Variants in PEAK1 observed in about 807,000 individuals in gnomAD.
PEAK1 encodes the protein pseudopodium enriched atypical kinase 1.
A neutral mutation model predicts 124.7 loss-of-function variants in PEAK1; 54 were observed. That is an observed-to-expected ratio of 0.43 (90% CI 0.35 to 0.54). The LOEUF is 0.54. Ranked by LOEUF, PEAK1 falls within the 20% of genes least tolerant of loss-of-function variation. The pLI is 0.01. For synonymous variants in PEAK1, 719 were observed against 760.0 expected, an observed-to-expected ratio of 0.95 and a Z score of 0.89; for missense variants, 2,046 against 2,134.5, an observed-to-expected ratio of 0.96 and a Z score of 0.82.
chr15:77,346,048 C>T, intron 2 of PEAK1: 1 of 985,366 alleles, frequency 1.0e-6, no homozygotes, highest in Non-Finnish European at 1.2e-6. Context: ...TTCAAAAATG[C>T]CTGTCCCTTT....
chr15:77,110,335 T>G lies in PEAK1; in HGVS notation c.*3821A>C, dbSNP rs556969169. 1.3e-5 allele frequency: 2 copies of G among 152,228 alleles called. No homozygotes were observed. The highest frequency in any genetic ancestry group is 6.5e-5 in the Admixed American group (1 of 15,272). 9.4% of individuals were successfully genotyped at this position (152,228 alleles called of 1,614,324 possible). A position where few individuals can be genotyped will look rare whatever the true frequency, so the allele number is the denominator to read the frequency against. ...CTCAAACTCCTGACCTCAGGTGATC[T>G]GCCCACCTCGCCCTCCTAAAGTGTT... On this transcript the variant is annotated 3_prime_UTR_variant, in exon 10 of 10. Transcript: ENST00000682557.
chr15:77,163,508 T>G lies in PEAK1; in HGVS notation c.3138-4812A>C, dbSNP rs548930393. ...GGTAGAGATTAATCATTACACCATCTAATGAAATAATCCTTTTTTTGTTTC... is the reference window on the plus strand; with the variant it reads ...GGTAGAGATTAATCATTACACCATCGAATGAAATAATCCTTTTTTTGTTTC... On this transcript the variant is annotated intron_variant, in intron 7 of 9. Transcript: ENST00000682557. Among the ~76,000 whole-genome samples, 10 of 152,346 alleles carry G rather than the reference T, an allele frequency of 6.6e-5. No individual in the cohort carries two copies. In the South Asian group the frequency reaches 1.4e-3, roughly 22 times the overall value.
intron 7 of PEAK1, among the ~76,000 whole-genome samples, chr15:77,159,221 G>A (rs2055418279): frequency 1.3e-5 from 2 of 152,144 alleles, no homozygotes; most frequent in Admixed American, 6.5e-5. Flanking sequence ...CATTGTTTTA[G>A]TAGGTACACT....
At chr15:77,368,458 T>C (rs1362685989) in intron 1 of PEAK1, among the ~76,000 whole-genome samples, 3 of 150,730 alleles carry the variant, frequency 2.0e-5, no homozygotes, top group Non-Finnish European at 3.0e-5. Flanking sequence ...GCGGAGGTTA[T>C]AGTGAGCTGA....
intron 7 of PEAK1, chr15:77,178,070 A>G (rs1035114389): frequency 5.3e-5 from 8 of 152,192 alleles, no homozygotes; most frequent in Non-Finnish European, 1.0e-4. Context: ...AATATTTATT[A>G]TATACCTTGC....
Position 77,384,647 on chromosome 15 carries a change from T to C in PEAK1, c.-665-19422A>G, listed in dbSNP as rs1325590247. 2.6e-5 allele frequency among the ~76,000 whole-genome samples: 4 copies of C among 152,212 alleles called. No homozygotes were observed. The South Asian group carries it at 6.2e-4, about 24-fold the overall frequency. The stretch of plus-strand genomic sequence containing the variant: ...TTTCAAACCACTGCTTTCATTTTTA[T>C]ATAAACCTTATTGACACCTTTTTAA... On this transcript the variant is annotated intron_variant, in intron 1 of 9. Transcript: ENST00000682557.
At chr15:77,293,308 G>A (rs2063318963) in intron 2 of PEAK1, among the ~76,000 whole-genome samples, 1 of 151,888 alleles carries the variant, frequency 6.6e-6, no homozygotes, top group Admixed American at 6.6e-5. Context: ...TCATTTCCTG[G>A]TACCCATGTA....
chr15:77,403,978 T>C, intron 1 of PEAK1: 1 of 965,496 alleles, frequency 1.0e-6, no homozygotes, highest in Non-Finnish European at 1.2e-6. Flanking sequence ...CACAAGGGTT[T>C]GGTACAGATT....
intron 6 of PEAK1, among the ~76,000 whole-genome samples, chr15:77,202,554 CAGG>C (rs1419349972): frequency 6.6e-6 from 1 of 151,824 alleles, no homozygotes; most frequent in African/African-American, 2.4e-5. Flanking sequence ...ATCACGAGGT[CAGG>C]AGATCGAGAC....
chr15:77,325,635 C>T (rs1171513598), intron 2 of PEAK1, among the ~76,000 whole-genome samples: 2 of 151,940 alleles, frequency 1.3e-5, no homozygotes, highest in Non-Finnish European at 2.9e-5. Flanking sequence ...AGAGTAAGTG[C>T]TACCTTTCTA....
chr15:77,236,356 C>T (rs965609831), intron 6 of PEAK1, among the ~76,000 whole-genome samples: 45 of 152,296 alleles, frequency 3.0e-4, no homozygotes, highest in African/African-American at 9.6e-4. Flanking sequence ...GAATGTGAGA[C>T]GTGGAATCAA....
At chr15:77,195,793 G>C (rs1463512010) in intron 6 of PEAK1, among the ~76,000 whole-genome samples, 1 of 152,206 alleles carries the variant, frequency 6.6e-6, no homozygotes, top group East Asian at 1.9e-4. Context: ...CCTATTCAAT[G>C]AATGAGCATA....
chr15:77,265,093 C>T (rs2061648747), intron 5 of PEAK1, among the ~76,000 whole-genome samples: 1 of 152,132 alleles, frequency 6.6e-6, no homozygotes, highest in Non-Finnish European at 1.5e-5. Flanking sequence ...ACACCTTACA[C>T]AAAAATCAAT....
chr15:77,262,302 G>A (rs1178813699), intron 5 of PEAK1, among the ~76,000 whole-genome samples: 3 of 152,084 alleles, frequency 2.0e-5, no homozygotes, highest in African/African-American at 7.2e-5. Flanking sequence ...CCAATTAGAA[G>A]ACACAGACTG....
Position 77,180,724 on chromosome 15 carries a change from C to T in PEAK1, c.1203G>A (p.Gln401=), listed in dbSNP as rs2152819686. The T allele has an allele frequency of 6.2e-7, 1 of 1,613,940 alleles. No homozygotes were observed. ...SSNNQDKDSS[Q]ASKSSIKVPE... ...GAACTTTTATTGAGCTTTTGGAAGC[C>T]TGTGATGAATCTTTATCCTGATTAT... The change falls in exon 7 of 10, where the codon CAG becomes CAA. Residue 401 remains glutamine, a synonymous_variant. Transcript: ENST00000682557.
At chr15:77,418,868 T>C (rs2073108596) in intron 1 of PEAK1, 4 of 985,196 alleles carry the variant, frequency 4.1e-6, no homozygotes, top group Non-Finnish European at 4.8e-6. Context: ...AATCAGTAAG[T>C]AGGCCCCAAA....
At chr15:77,278,467 GC>G in intron 5 of PEAK1, 1 of 484,710 alleles carries the variant, frequency 2.1e-6, no homozygotes, top group Non-Finnish European at 4.1e-6. Context: ...CCAGCACCAT[GC>G]CCAAGAGAAA....
intron 7 of PEAK1, among the ~76,000 whole-genome samples, chr15:77,164,476 G>A (rs997934599): frequency 2.0e-5 from 3 of 152,174 alleles, no homozygotes; most frequent in Non-Finnish European, 4.4e-5. Flanking sequence ...AAATTGTACA[G>A]ATCCACTTTT....
chr15:77,245,655 T>C (rs539568382), intron 6 of PEAK1, among the ~76,000 whole-genome samples: 2 of 152,040 alleles, frequency 1.3e-5, no homozygotes, highest in Admixed American at 6.5e-5. Context: ...GCCAAGATTT[T>C]ACCACTGCAC....
Sources: gnomAD v4.1 joint callset for allele counts (sites outside exome capture counted in the v4.1 genomes callset) on GRCh38, gnomAD v4.1.1 for gene constraint, MANE v1.5 for transcripts, NCBI Gene and HGNC (gene_info 2026-07-23, HGNC 2026-07-21) for gene names.